The following CNST variants were observed in gnomAD, a reference collection of about 807,000 sequenced individuals.
CNST encodes the protein consortin.
In CNST, 39 loss-of-function variants were observed where a neutral mutation model predicts 72.4. The observed-to-expected ratio is 0.54, with a 90% CI of 0.42 to 0.70. The LOEUF is 0.70. Ranked by LOEUF, CNST falls within the 30% of genes least tolerant of loss-of-function variation. CNST has a pLI of 0.00. For synonymous variants in CNST, 332 were observed against 320.1 expected, an observed-to-expected ratio of 1.04 and a Z score of -0.40; for missense variants, 871 against 868.5, an observed-to-expected ratio of 1.00 and a Z score of -0.04.
At chr1:246,652,909 C>T (rs1666557607) in intron 9 of CNST, among the ~76,000 whole-genome samples, 1 of 150,724 alleles carries the variant, frequency 6.6e-6, no homozygotes, top group Non-Finnish European at 1.5e-5. Context: ...GAGGCTGAGG[C>T]AGGAGAATGG....
chr1:246,654,239 C>T (rs1350458611), intron 9 of CNST, among the ~76,000 whole-genome samples: 11 of 152,192 alleles, frequency 7.2e-5, no homozygotes, highest in Admixed American at 7.2e-4. Flanking sequence ...CCAGATACAC[C>T]TTGCATGTCG....
chr1:246,647,213 T>G lies in CNST; in HGVS notation c.1012T>G (p.Cys338Gly), dbSNP rs140070667. Residue 338 changes from cysteine to glycine, a missense_variant, in exon 9 of 11, where the codon TGC becomes GGC. Physicochemically the swap from Cys to Gly is radical, Grantham distance 159. Coordinates refer to ENST00000366513, the MANE Select transcript of CNST (RefSeq NM_152609.3). ...HTVEPLGSSP[C>G]CHQMDVQTDS... ...AGTGGAGCCCCTGGGGAGCAGTCCC[T>G]GCTGTCATCAGATGGACGTGCAAAC... 3 of 1,614,058 alleles carry G rather than the reference T, an allele frequency of 1.9e-6. No individual in the cohort carries two copies. The African/African-American group carries it at 4.0e-5, about 22-fold the overall frequency.
At chr1:246,573,745 T>A (rs763978435) in intron 1 of CNST, among the ~76,000 whole-genome samples, 5 of 152,220 alleles carry the variant, frequency 3.3e-5, no homozygotes, top group Non-Finnish European at 7.3e-5. Context: ...ATTCTAAGAA[T>A]ATCTGTTTTG....
chr1:246,633,704 C>G (rs1664938948), intron 4 of CNST, among the ~76,000 whole-genome samples: 1 of 150,996 alleles, frequency 6.6e-6, no homozygotes, highest in Non-Finnish European at 1.5e-5. Flanking sequence ...GATTGCCCCA[C>G]TGCACTCCAG....
At chr1:246,597,439 A>G (rs911357366) in intron 2 of CNST, among the ~76,000 whole-genome samples, 4 of 152,190 alleles carry the variant, frequency 2.6e-5, no homozygotes, top group Non-Finnish European at 4.4e-5. Flanking sequence ...GTATATTTGT[A>G]TGAGACAAGT....
chr1:246,594,466 A>T (rs1263026513), intron 2 of CNST, among the ~76,000 whole-genome samples: 1 of 152,184 alleles, frequency 6.6e-6, no homozygotes, highest in Non-Finnish European at 1.5e-5. Context: ...TCTTATATAA[A>T]GTGAGTTTAA....
intron 3 of CNST, among the ~76,000 whole-genome samples, chr1:246,630,699 C>CT (rs11452922): frequency 0.48 from 72,545 of 151,876 alleles, 19,127 homozygotes; most frequent in African/African-American, 0.69. Context: ...AAGGTTATAC[C>CT]TTTTTTTACT....
At chr1:246,650,817 A>T (rs2103142345) in intron 9 of CNST, among the ~76,000 whole-genome samples, 1 of 151,960 alleles carries the variant, frequency 6.6e-6, no homozygotes, top group South Asian at 2.1e-4. Flanking sequence ...AGCTGGGACT[A>T]CAGGCATGCA....
chr1:246,647,653 G>T lies in CNST; in HGVS notation c.1452G>T (p.Leu484=), dbSNP rs1666186704. 1.9e-6 allele frequency: 3 copies of T among 1,614,182 alleles called. No homozygotes were observed. Among genetic ancestry groups the T allele is most frequent in the Admixed American group, 3.3e-5 (2 of 60,024 alleles). The change falls in exon 9 of 11, where the codon CTG becomes CTT. Residue 484 remains leucine, a synonymous_variant. Transcript: ENST00000366513. ...DQLENNELNE[L]QQPDLTDSDG... ...TTGAGAACAATGAATTAAATGAGCT[G>T]CAGCAGCCTGATCTTACAGACAGTG...
At chr1:246,605,558 G>A (rs1365927126) in intron 2 of CNST, among the ~76,000 whole-genome samples, 1 of 152,126 alleles carries the variant, frequency 6.6e-6, no homozygotes, top group Non-Finnish European at 1.5e-5. Context: ...CGGGGCAGGG[G>A]TTTTACAGTC....
chr1:246,609,467 C>T (rs1663156239), intron 2 of CNST, among the ~76,000 whole-genome samples: 1 of 152,162 alleles, frequency 6.6e-6, no homozygotes, highest in African/African-American at 2.4e-5. Context: ...ATCCCAGCTA[C>T]TTGGGAGGCT....
chr1:246,666,996 T>TG lies in CNST; in HGVS notation c.*1091_*1092insG, dbSNP rs1667418255. 6.6e-6 allele frequency: 1 copy of TG among 152,114 alleles called. No homozygotes were observed. The highest frequency in any genetic ancestry group is 1.5e-5 in the Non-Finnish European group (1 of 68,016). The allele number at this position is 152,114 out of a possible 1,614,324, so 9.4% of individuals were successfully genotyped here. A position where few individuals can be genotyped will look rare whatever the true frequency, so the allele number is the denominator to read the frequency against. On this transcript the variant is annotated 3_prime_UTR_variant, in exon 11 of 11. Coordinates refer to ENST00000366513, the MANE Select transcript of CNST (RefSeq NM_152609.3). ...CTATTGCGGGGTCATTACGCAAAAA[T>TG]TCAATCATACCTTCCATAGACAAAT...
In CNST at chr1:246,634,504, A is replaced by G. The variant is rs1045651679; in HGVS notation, c.735A>G (p.Thr245=). ...ETKWKTVQPH[T]VTALRNSEKG... ...AATGGAAAACTGTGCAACCACATAC[A>G]GTTACGGCTCTAAGGAATTCAGAAA... is the stretch of plus-strand genomic sequence containing the variant. The change falls in exon 6 of 11, where the codon ACA becomes ACG. Residue 245 remains threonine (T), a synonymous_variant. Coordinates refer to ENST00000366513, the MANE Select transcript of CNST (RefSeq NM_152609.3). 1 of 1,602,242 alleles carries G rather than the reference A, an allele frequency of 6.2e-7. No homozygotes were observed. The highest frequency in any genetic ancestry group is 8.5e-7 in the Non-Finnish European group (1 of 1,177,422).
intron 2 of CNST, among the ~76,000 whole-genome samples, chr1:246,609,844 AT>A (rs1663184164): frequency 6.6e-6 from 1 of 152,170 alleles, no homozygotes; most frequent in Non-Finnish European, 1.5e-5. Flanking sequence ...AACTGAAGAC[AT>A]TTTTTTCTGT....
Position 246,586,107 on chromosome 1 carries a change from ATATATGTG to A in CNST, c.-51-5403_-51-5396del, listed in dbSNP as rs745430814. On this transcript the variant is annotated intron_variant, in intron 1 of 10. Coordinates refer to ENST00000366513, the MANE Select transcript of CNST (RefSeq NM_152609.3). ...GGGAGAGGGGGAGATATATATATAT[ATATATGTG>A]TGTGTGTGTGTGTGTGTGTGTGTGT... Among the ~76,000 whole-genome samples, 88 of 42,242 alleles carry A rather than the reference ATATATGTG, an allele frequency of 2.1e-3. 1 individual carries two copies. Among genetic ancestry groups the A allele is most frequent in the African/African-American group, 4.6e-3 (56 of 12,064 alleles). 27.7% of individuals were successfully genotyped at this position (42,242 alleles called of 152,430 possible).
intron 1 of CNST, among the ~76,000 whole-genome samples, chr1:246,590,528 A>C (rs765870439): frequency 6.6e-6 from 1 of 152,064 alleles, no homozygotes; most frequent in Non-Finnish European, 1.5e-5. Flanking sequence ...CCTTAATGGT[A>C]TAGGGTGAAT....
At chr1:246,591,488 G>A (rs1010573294) in intron 1 of CNST, 24 bp from the exon 2 acceptor site, 3 of 1,521,860 alleles carry the variant, frequency 2.0e-6, no homozygotes, top group Middle Eastern at 1.8e-4. Context: ...AAATGAAGTA[G>A]CTTTTTTCTT....
intron 6 of CNST, among the ~76,000 whole-genome samples, chr1:246,638,870 G>A (rs2103114497): frequency 6.6e-6 from 1 of 152,330 alleles, no homozygotes; most frequent in East Asian, 1.9e-4. Flanking sequence ...AGGTTTAAAT[G>A]GGAGCTGGTT....
intron 1 of CNST, among the ~76,000 whole-genome samples, chr1:246,575,968 G>A (rs376117186): frequency 6.7e-6 from 1 of 149,308 alleles, no homozygotes; most frequent in Non-Finnish European, 1.5e-5. Context: ...GCTCGCGCCT[G>A]TAACGCCTGT....
Sources: allele counts gnomAD v4.1 joint callset (sites outside exome capture counted in the v4.1 genomes callset), GRCh38; gene constraint gnomAD v4.1.1; transcripts MANE v1.5; gene names NCBI Gene and HGNC (gene_info 2026-07-23, HGNC 2026-07-21).